Variants in ARID3B observed in about 807,000 individuals in gnomAD.
ARID3B encodes the protein AT-rich interactive domain-containing protein 3B.
Under a neutral mutation model 51.9 loss-of-function variants are expected in ARID3B, and 10 were observed. The ratio of observed to expected loss-of-function variants is 0.19; its 90% confidence interval spans 0.12 to 0.33. ARID3B has a LOEUF of 0.33. Ranked by LOEUF, ARID3B falls within the 10% of genes least tolerant of loss-of-function variation. The probability of loss-of-function intolerance (pLI) is 1.00; values close to 1 mark genes in which losing one functional copy is unlikely to be tolerated. For missense variants in ARID3B, 483 were observed against 716.3 expected, an observed-to-expected ratio of 0.67 and a Z score of 3.72; for synonymous variants, 205 against 279.5, an observed-to-expected ratio of 0.73 and a Z score of 2.66.
intron 2 of ARID3B, among the ~76,000 whole-genome samples, chr15:74,550,578 C>T (rs1165247483): frequency 6.6e-6 from 1 of 151,518 alleles, no homozygotes; most frequent in South Asian, 2.1e-4. Flanking sequence ...TGGTGGCAGG[C>T]GCCTGCGGTC....
chr15:74,589,534 A>G (rs2061795510), intron 4 of ARID3B, among the ~76,000 whole-genome samples: 1 of 152,192 alleles, frequency 6.6e-6, no homozygotes, highest in Non-Finnish European at 1.5e-5. Flanking sequence ...ACACACACGA[A>G]CTAAAAAACA....
In ARID3B at chr15:74,597,990, T is replaced by C. The variant is rs563754744; in HGVS notation, c.*2216T>C. On this transcript the variant is annotated 3_prime_UTR_variant, in exon 9 of 9. Transcript: ENST00000346246. ...TTATATGTATTCTAACCAGGAAAAA[T>C]GTGATAGCACATGGGTAGCCTAGGC... is the stretch of plus-strand genomic sequence containing the variant. 2.1e-5 allele frequency: 11 copies of C among 532,056 alleles called. No homozygotes were observed. The highest frequency in any genetic ancestry group is 4.5e-5 in the Admixed American group (2 of 44,882). The allele number at this position is 532,056 out of a possible 1,614,324, so 33.0% of individuals were successfully genotyped here.
rs187663901 is a variant in ARID3B, at chr15:74,580,002, C to T, written c.697+6798C>T. Reference sequence around the variant, plus strand: ...GGCCAGGGGTTTGAGACCAGCCTGGCCACCATGGTGAAACCCCATCTCTAC... The same window carrying T: ...GGCCAGGGGTTTGAGACCAGCCTGGTCACCATGGTGAAACCCCATCTCTAC... On this transcript the variant is annotated intron_variant, in intron 4 of 8. Coordinates refer to ENST00000346246, the MANE Select transcript of ARID3B (RefSeq NM_006465.4). Among the ~76,000 whole-genome samples the T allele has an allele frequency of 2.6e-5, 4 of 152,272 alleles. No individual in the cohort carries two copies. In the East Asian group the frequency reaches 7.7e-4, roughly 29 times the overall value.
intron 4 of ARID3B, among the ~76,000 whole-genome samples, chr15:74,581,462 C>T (rs147172602): frequency 5.9e-5 from 9 of 152,230 alleles, no homozygotes; most frequent in African/African-American, 1.7e-4. Context: ...TCCTGGCAGA[C>T]GAAAATATGT....
chr15:74,554,680 G>A (rs992453420), intron 2 of ARID3B, among the ~76,000 whole-genome samples: 1 of 152,106 alleles, frequency 6.6e-6, no homozygotes, highest in Middle Eastern at 3.4e-3. Context: ...TGATTTGATC[G>A]AGTTTTATTT....
chr15:74,544,098 C>A lies in ARID3B; in HGVS notation c.162C>A (p.Ser54=), dbSNP rs533375558. The A allele has an allele frequency of 6.2e-7, 1 of 1,613,976 alleles. No homozygotes were observed. Among genetic ancestry groups the A allele is most frequent in the Admixed American group, 1.7e-5 (1 of 60,012 alleles). ...TGGTCACACAGCCGACTCTCCTTTC[C>A]GCCACAGCTGGGAGACCTTCTGGCA... The part of the protein sequence containing the change: ...QKLVTQPTLL[S]ATAGRPSGST... The change falls in exon 2 of 9, where the codon TCC becomes TCA. Residue 54 remains serine, a synonymous_variant. Coordinates refer to ENST00000346246, the MANE Select transcript of ARID3B (RefSeq NM_006465.4).
At chr15:74,551,904 T>C (rs1049740434) in intron 2 of ARID3B, among the ~76,000 whole-genome samples, 5 of 152,106 alleles carry the variant, frequency 3.3e-5, no homozygotes, top group African/African-American at 1.2e-4. Flanking sequence ...TGAAGTTCCA[T>C]GTTGCTAAGC....
Position 74,544,186 on chromosome 15 carries a change from C to T in ARID3B, c.250C>T (p.Arg84Trp), listed in dbSNP as rs781388841. Residue 84 changes from arginine to tryptophan, a missense_variant, in exon 2 of 9, where the codon CGG becomes TGG. This residue lies in a region of ARID3B where 182 missense variants were observed against 244.5 expected (regional missense o/e 0.74). Transcript: ENST00000346246. The part of the protein sequence containing the change: ...PTAAVAQVFE[R>W]GNMNSEPEEE... ...CGCAGCAGTGGCCCAAGTGTTTGAA[C>T]GGGGCAACATGAACTCAGAGCCTGA... 2.0e-5 allele frequency: 33 copies of T among 1,613,776 alleles called. No homozygotes were observed. The highest frequency in any genetic ancestry group is 1.6e-4 in the Middle Eastern group (1 of 6,078).
chr15:74,567,487 G>A (rs1189410345), intron 2 of ARID3B, among the ~76,000 whole-genome samples: 4 of 151,750 alleles, frequency 2.6e-5, no homozygotes, highest in Non-Finnish European at 5.9e-5. Context: ...TGCTCTACCT[G>A]GGGTAGGTTC....
At chr15:74,572,311 G>C (rs1027424462) in intron 2 of ARID3B, among the ~76,000 whole-genome samples, 14 of 152,206 alleles carry the variant, frequency 9.2e-5, no homozygotes, top group Non-Finnish European at 2.1e-4. Flanking sequence ...AACAATCTCA[G>C]GCCATGGTGG....
At chr15:74,577,369 C>T (rs970552266) in intron 4 of ARID3B, among the ~76,000 whole-genome samples, 3 of 151,726 alleles carry the variant, frequency 2.0e-5, no homozygotes, top group Non-Finnish European at 4.4e-5. Context: ...TCAGGAGAAT[C>T]ACTTGAACCC....
chr15:74,554,173 A>G (rs892012459), intron 2 of ARID3B, among the ~76,000 whole-genome samples: 3 of 151,604 alleles, frequency 2.0e-5, no homozygotes, highest in African/African-American at 4.9e-5. Context: ...CGCCTGGCTA[A>G]TTTTTTGTAT....
intron 5 of ARID3B, among the ~76,000 whole-genome samples, chr15:74,590,648 T>C (rs1024626381): frequency 9.9e-5 from 15 of 152,218 alleles, no homozygotes; most frequent in African/African-American, 3.1e-4. Context: ...GAGTATGCAA[T>C]GAACAACTGA....
intron 4 of ARID3B, among the ~76,000 whole-genome samples, chr15:74,585,587 C>T (rs1162130111): frequency 6.6e-6 from 1 of 152,244 alleles, no homozygotes; most frequent in Non-Finnish European, 1.5e-5. Flanking sequence ...TTTGAAGGTA[C>T]ATCAGCAGAA....
intron 2 of ARID3B, among the ~76,000 whole-genome samples, chr15:74,570,382 G>A (rs1290129313): frequency 1.4e-5 from 2 of 138,428 alleles, no homozygotes; most frequent in Non-Finnish European, 3.1e-5. Flanking sequence ...TTAGGTTGTG[G>A]ATTCCACCCT....
chr15:74,573,383 G>A (rs1387740527), intron 4 of ARID3B, 179 bp downstream of exon 4: 2 of 661,470 alleles, frequency 3.0e-6, no homozygotes, highest in East Asian at 2.7e-5. Flanking sequence ...AGAGGACAGA[G>A]AAGGTGTTGG....
chr15:74,560,596 A>G (rs931475128), intron 2 of ARID3B, among the ~76,000 whole-genome samples: 2 of 152,238 alleles, frequency 1.3e-5, no homozygotes, highest in African/African-American at 2.4e-5. Context: ...AATTAAAACA[A>G]TATGGAAAAA....
At position 74,597,478 on chromosome 15, in the gene ARID3B, C is replaced by T; in HGVS notation, c.*1704C>T. 1 of 529,548 alleles carries T rather than the reference C, an allele frequency of 1.9e-6. No homozygotes were observed. The highest frequency in any genetic ancestry group is 3.6e-6 in the Non-Finnish European group (1 of 274,650). 32.8% of individuals were successfully genotyped at this position (529,548 alleles called of 1,614,324 possible). A position where few individuals can be genotyped will look rare whatever the true frequency, so the allele number is the denominator to read the frequency against. ...CTGCTCAACTGCGTCTTCTCTCAGC[C>T]CTCCACACACACTCACCCCCACTCC... On this transcript the variant is annotated 3_prime_UTR_variant, in exon 9 of 9. Coordinates refer to ENST00000346246, the MANE Select transcript of ARID3B (RefSeq NM_006465.4).
chr15:74,591,833 C>T lies in ARID3B; in HGVS notation c.1420+19C>T, dbSNP rs770711507. On this transcript the variant is annotated intron_variant, in intron 7 of 8. Coordinates refer to ENST00000346246, the MANE Select transcript of ARID3B (RefSeq NM_006465.4). This position sits in a 1 kb window ranked among gnomAD's most constrained non-coding sequence, Gnocchi z 5.8. ...GGCAGGGGTGAGCCAGGCTCAGGGC[C>T]GGGCCTTCCCTTCCTGGAAACCCCA... 7.2e-5 allele frequency: 115 copies of T among 1,605,152 alleles called. No individual in the cohort carries two copies. In the South Asian group the frequency reaches 8.3e-4, roughly 12 times the overall value.
Sources: allele counts gnomAD v4.1 joint callset (sites outside exome capture counted in the v4.1 genomes callset), GRCh38; gene constraint gnomAD v4.1.1; regional missense constraint gnomAD v4.1.1; non-coding constraint Gnocchi (gnomAD v3.1); transcripts MANE v1.5; gene names NCBI Gene and HGNC (gene_info 2026-07-23, HGNC 2026-07-21).